The following ROBO1 variants were observed in gnomAD, a reference collection of about 807,000 sequenced individuals.
The protein encoded by ROBO1 is roundabout homolog 1.
Under a neutral mutation model 195.9 loss-of-function variants are expected in ROBO1, and 149 were observed. The ratio of observed to expected loss-of-function variants is 0.76; its 90% CI spans 0.67 to 0.87. The LOEUF (loss-of-function observed/expected upper bound fraction) is 0.87. Ranked by LOEUF, ROBO1 falls within the 40% of genes least tolerant of loss-of-function variation. The pLI, the probability that ROBO1 is intolerant of heterozygous loss-of-function variation, is 0.00. For missense variants in ROBO1, 1,933 were observed against 2,068.3 expected (o/e 0.93, Z 1.27); for synonymous variants, 816 against 733.2 (o/e 1.11, Z -1.82).
chr3:79,707,127 G>A (rs1190847949), intron 1 of ROBO1, among the ~76,000 whole-genome samples: 1 of 152,032 alleles, frequency 6.6e-6, no homozygotes, highest in Admixed American at 6.6e-5. Context: ...ATCTAGGCAT[G>A]GTGCTTTCAG....
intron 2 of ROBO1, among the ~76,000 whole-genome samples, chr3:79,447,503 C>T (rs985681000): frequency 1.3e-5 from 2 of 152,136 alleles, no homozygotes; most frequent in Admixed American, 6.5e-5. Context: ...AGAGACTTAA[C>T]GAAACAAACT....
Position 78,791,621 on chromosome 3 carries a change from TC to T in ROBO1, c.500-44722del, listed in dbSNP as rs777925806. 1.4e-4 allele frequency among the ~76,000 whole-genome samples: 21 copies of T among 152,296 alleles called. 1 individual carries two copies. The highest frequency in any genetic ancestry group is 2.4e-4 in the Non-Finnish European group (16 of 68,010). ...ACTGAAATTTTTATGAGCTTCAGAC[TC>T]CTAAAAATTCGTATCTGCGTCTGCT... is the stretch of plus-strand genomic sequence containing the variant. On this transcript the variant is annotated intron_variant, in intron 4 of 30. Coordinates refer to ENST00000464233, the MANE Select transcript of ROBO1 (RefSeq NM_002941.4).
chr3:79,503,177 T>C (rs1006202719), intron 2 of ROBO1, among the ~76,000 whole-genome samples: 3 of 152,164 alleles, frequency 2.0e-5, no homozygotes, highest in Non-Finnish European at 4.4e-5. Flanking sequence ...GCTTCACTTC[T>C]GAAGCCAGCG....
chr3:78,628,737 A>G (rs1184553832), intron 25 of ROBO1, among the ~76,000 whole-genome samples: 1 of 152,186 alleles, frequency 6.6e-6, no homozygotes, highest in Non-Finnish European at 1.5e-5. Context: ...ATTAACAAAC[A>G]GCTGAGCAAC....
intron 4 of ROBO1, among the ~76,000 whole-genome samples, chr3:78,828,054 C>A (rs1036242532): frequency 6.6e-6 from 1 of 151,988 alleles, no homozygotes; most frequent in African/African-American, 2.4e-5. Context: ...TGTATACCAC[C>A]CAAATGTTTA....
At chr3:78,637,715 C>G (rs971998436) in intron 22 of ROBO1, among the ~76,000 whole-genome samples, 1 of 152,078 alleles carries the variant, frequency 6.6e-6, no homozygotes, top group Non-Finnish European at 1.5e-5. Context: ...ATCTATCTGT[C>G]TAGACATTCA....
chr3:79,651,582 G>C (rs1004740631), intron 1 of ROBO1, among the ~76,000 whole-genome samples: 4 of 152,088 alleles, frequency 2.6e-5, no homozygotes, highest in African/African-American at 9.7e-5. Context: ...GAACTCAGCG[G>C]TGCATGACGC....
At chr3:79,295,687 T>TA (rs1008465929) in intron 2 of ROBO1, among the ~76,000 whole-genome samples, 19 of 151,408 alleles carry the variant, frequency 1.3e-4, no homozygotes, top group South Asian at 4.2e-4. Context: ...TACCTTGCTT[T>TA]AAAAAAAAAT....
intron 2 of ROBO1, among the ~76,000 whole-genome samples, chr3:79,402,390 T>C (rs1475792781): frequency 6.6e-6 from 1 of 151,982 alleles, no homozygotes; most frequent in Admixed American, 6.6e-5. Flanking sequence ...GTGGATTCTG[T>C]ACCAACAAAG....
chr3:79,747,889 A>G (rs1466000522), intron 1 of ROBO1, among the ~76,000 whole-genome samples: 1 of 152,086 alleles, frequency 6.6e-6, no homozygotes, highest in Non-Finnish European at 1.5e-5. Context: ...GAAAACAAAA[A>G]CAAGAAAAAA....
chr3:79,682,417 T>A (rs1224936263), intron 1 of ROBO1, among the ~76,000 whole-genome samples: 2 of 152,012 alleles, frequency 1.3e-5, no homozygotes, highest in African/African-American at 4.8e-5. Context: ...GTCTGGCTAA[T>A]TAACCAATAA....
intron 2 of ROBO1, among the ~76,000 whole-genome samples, chr3:79,445,225 G>C (rs2039198905): frequency 6.6e-6 from 1 of 151,252 alleles, no homozygotes; most frequent in Non-Finnish European, 1.5e-5. Flanking sequence ...ATACATATTT[G>C]CGTACATCAT....
At chr3:78,777,239 T>A (rs2083532813) in intron 4 of ROBO1, among the ~76,000 whole-genome samples, 1 of 152,228 alleles carries the variant, frequency 6.6e-6, no homozygotes, top group African/African-American at 2.4e-5. Flanking sequence ...AATATCTGAA[T>A]GTAAATAAGC....
Position 78,939,338 on chromosome 3 carries a change from G to A in ROBO1, c.173-411C>T, listed in dbSNP as rs535803918. Reference sequence around the variant, plus strand: ...CACTTCAACAAAACATATGTGGCCCGGCGCGGGGGCTCACGCCTGTAATCC... The same window carrying A: ...CACTTCAACAAAACATATGTGGCCCAGCGCGGGGGCTCACGCCTGTAATCC... On this transcript the variant is annotated intron_variant, in intron 3 of 30. Transcript: ENST00000464233. Among the ~76,000 whole-genome samples the A allele has an allele frequency of 3.9e-5, 6 of 152,152 alleles. No homozygotes were observed. The South Asian group carries it at 8.3e-4, about 21-fold the overall frequency.
intron 1 of ROBO1, among the ~76,000 whole-genome samples, chr3:79,760,390 A>C (rs1704631686): frequency 6.6e-6 from 1 of 150,824 alleles, no homozygotes; most frequent in African/African-American, 2.4e-5. Context: ...ATCAATTTTA[A>C]CAAAGCACAG....
At chr3:79,566,296 C>T (rs376380798) in intron 2 of ROBO1, among the ~76,000 whole-genome samples, 5 of 151,998 alleles carry the variant, frequency 3.3e-5, no homozygotes, top group Admixed American at 1.3e-4. Flanking sequence ...TGTCTCACAG[C>T]GGATATTAAC....
At chr3:79,701,639 A>T (rs1947624806) in intron 1 of ROBO1, among the ~76,000 whole-genome samples, 1 of 151,784 alleles carries the variant, frequency 6.6e-6, no homozygotes, top group East Asian at 1.9e-4. Context: ...TGAATATATC[A>T]AGTAGCTTTA....
intron 2 of ROBO1, among the ~76,000 whole-genome samples, chr3:79,214,823 TATA>T (rs1017985411): frequency 1.5e-5 from 2 of 137,052 alleles, no homozygotes; most frequent in African/African-American, 6.3e-5. Flanking sequence ...TATATATATA[TATA>T]TTTTTTTTTT....
intron 2 of ROBO1, among the ~76,000 whole-genome samples, chr3:79,580,668 A>G (rs918811872): frequency 3.3e-5 from 5 of 152,160 alleles, no homozygotes; most frequent in African/African-American, 1.2e-4. Flanking sequence ...ATTTAAATAT[A>G]TTCACTGATA....
Sources: gnomAD v4.1 joint callset for allele counts (sites outside exome capture counted in the v4.1 genomes callset) on GRCh38, gnomAD v4.1.1 for gene constraint, MANE v1.5 for transcripts, NCBI Gene and HGNC (gene_info 2026-07-23, HGNC 2026-07-21) for gene names.